The following VMP1 variants were observed in gnomAD, a reference collection of about 807,000 sequenced individuals.
The protein encoded by VMP1 is vacuole membrane protein 1.
In VMP1, 11 loss-of-function variants were observed where a neutral mutation model predicts 56.0. The ratio of observed to expected loss-of-function variants is 0.20; its 90% CI spans 0.12 to 0.32. The LOEUF is 0.32. VMP1 is among the 10% of genes least tolerant of loss of function. The probability of loss-of-function intolerance (pLI) is 1.00; values close to 1 mark genes in which losing one functional copy is unlikely to be tolerated. For synonymous variants in VMP1, 149 were observed against 165.0 expected (o/e 0.90, Z 0.74); for missense variants, 296 against 490.3 (o/e 0.60, Z 3.74).
chr17:59,779,987 C>T (rs761652821), intron 7 of VMP1, among the ~76,000 whole-genome samples: 1 of 152,146 alleles, frequency 6.6e-6, no homozygotes, highest in Non-Finnish European at 1.5e-5. Context: ...CATTTCTTTT[C>T]TCAGTCTTTA....
chr17:59,777,213 C>T (rs752567564), intron 7 of VMP1, among the ~76,000 whole-genome samples: 12 of 152,252 alleles, frequency 7.9e-5, no homozygotes, highest in Non-Finnish European at 1.3e-4. Flanking sequence ...TTTACACCTT[C>T]GTTTTGCTTG....
At chr17:59,782,792 G>A (rs186109149) in intron 7 of VMP1, among the ~76,000 whole-genome samples, 20 of 140,338 alleles carry the variant, frequency 1.4e-4, no homozygotes, top group Admixed American at 7.6e-4. Context: ...AAGCCCTGTA[G>A]TAGAGTAAGT....
At chr17:59,754,147 A>G (rs555600734) in intron 5 of VMP1, among the ~76,000 whole-genome samples, 1 of 152,330 alleles carries the variant, frequency 6.6e-6, no homozygotes, top group African/African-American at 2.4e-5. Flanking sequence ...TAAAAATTGT[A>G]CATTTACCCT....
intron 5 of VMP1, among the ~76,000 whole-genome samples, chr17:59,739,174 G>A (rs55873230): frequency 6.6e-6 from 1 of 152,092 alleles, no homozygotes; most frequent in Admixed American, 6.6e-5. Context: ...AGCAAATAAG[G>A]TTGTTTATTT....
In VMP1 at chr17:59,773,802, G is replaced by A; in HGVS notation, c.631G>A (p.Ala211Thr). ...GCTGCCTCCATATTTCATGGCCAGAGCAGCTCGCCTCTCAGGTGCTGAACC... is the reference window on the plus strand; with the variant it reads ...GCTGCCTCCATATTTCATGGCCAGAACAGCTCGCCTCTCAGGTGCTGAACC... ...GELPPYFMAR[A>T]ARLSGAEPDD... Residue 211 changes from alanine to threonine, a missense_variant, in exon 7 of 12, where the codon GCA becomes ACA. By Grantham distance (58) the Ala-to-Thr change is moderately conservative. This residue lies in a region of VMP1 where 126 missense variants were observed against 231.6 expected (regional missense o/e 0.54). Transcript: ENST00000262291. 1 of 1,613,578 alleles carries A rather than the reference G, an allele frequency of 6.2e-7. No homozygotes were observed. Among genetic ancestry groups the A allele is most frequent in the Non-Finnish European group, 8.5e-7 (1 of 1,179,840 alleles).
intron 9 of VMP1, 48 bp from the exon 10 acceptor site, chr17:59,817,664 G>GT: frequency 1.4e-6 from 2 of 1,431,870 alleles, no homozygotes; most frequent in Non-Finnish European, 1.9e-6. Context: ...ATTTATGTTG[G>GT]TTTTTTGATG....
At chr17:59,811,559 A>G (rs184714173) in intron 8 of VMP1, 111 bp from the exon 9 acceptor site, 3 of 780,086 alleles carry the variant, frequency 3.8e-6, no homozygotes, top group Non-Finnish European at 6.5e-6. Flanking sequence ...GAACCCATAT[A>G]TTGCTTTGCA....
At chr17:59,803,463 C>A (rs1239991524) in intron 7 of VMP1, among the ~76,000 whole-genome samples, 1 of 151,878 alleles carries the variant, frequency 6.6e-6, no homozygotes, top group African/African-American at 2.4e-5. Flanking sequence ...AATTTATTTA[C>A]CTATAATTGG....
At chr17:59,717,262 G>T (rs1367544170) in intron 1 of VMP1, among the ~76,000 whole-genome samples, 1 of 152,088 alleles carries the variant, frequency 6.6e-6, no homozygotes, top group Non-Finnish European at 1.5e-5. Flanking sequence ...GAGCCACCGC[G>T]CTCGGCCGGT....
chr17:59,810,168 T>C (rs2038007006), intron 8 of VMP1, among the ~76,000 whole-genome samples: 1 of 152,140 alleles, frequency 6.6e-6, no homozygotes, highest in South Asian at 2.1e-4. Context: ...GTTTTTCTTT[T>C]TTTGAGACAG....
Position 59,758,429 on chromosome 17 carries a change from C to A in VMP1, c.415-6542C>A, listed in dbSNP as rs117972420. 7.3e-3 allele frequency among the ~76,000 whole-genome samples: 1,114 copies of A among 152,254 alleles called. 36 individuals carry two copies. Among genetic ancestry groups the A allele is most frequent in the Admixed American group, 0.051 (774 of 15,284 alleles). On this transcript the variant is annotated intron_variant, in intron 5 of 11. Coordinates refer to ENST00000262291, the MANE Select transcript of VMP1 (RefSeq NM_030938.5). ...ATGTGCCAGGCATGGTGGCTCACCT[C>A]TAATCCCAGTACTTTGGGAGGCCAA...
intron 10 of VMP1, among the ~76,000 whole-genome samples, chr17:59,834,522 C>G (rs770611261): frequency 6.6e-6 from 1 of 151,648 alleles, no homozygotes; most frequent in African/African-American, 2.4e-5. Flanking sequence ...TGGAGTGGTG[C>G]GATCTAGGCT....
At chr17:59,717,479 C>T (rs188835528) in intron 1 of VMP1, among the ~76,000 whole-genome samples, 26 of 152,028 alleles carry the variant, frequency 1.7e-4, no homozygotes, top group South Asian at 1.2e-3. Context: ...ACCTCCCAGG[C>T]TCAAGCGATT....
At chr17:59,820,156 C>T (rs1224307867) in intron 10 of VMP1, among the ~76,000 whole-genome samples, 1 of 152,100 alleles carries the variant, frequency 6.6e-6, no homozygotes, top group East Asian at 1.9e-4. Flanking sequence ...TAGATAAAGC[C>T]AAAACTCCTT....
At chr17:59,759,129 G>T (rs1204164412) in intron 5 of VMP1, among the ~76,000 whole-genome samples, 1 of 152,044 alleles carries the variant, frequency 6.6e-6, no homozygotes, top group Non-Finnish European at 1.5e-5. Flanking sequence ...GGTATCTTGC[G>T]CCAGCAGTCC....
At chr17:59,788,087 T>C (rs1300221046) in intron 7 of VMP1, among the ~76,000 whole-genome samples, 1 of 152,186 alleles carries the variant, frequency 6.6e-6, no homozygotes, top group Non-Finnish European at 1.5e-5. Flanking sequence ...TGAAACAAGA[T>C]GATTTTCAAA....
intron 9 of VMP1, among the ~76,000 whole-genome samples, chr17:59,816,437 A>G (rs949169956): frequency 1.3e-5 from 2 of 152,246 alleles, no homozygotes; most frequent in Admixed American, 6.5e-5. Context: ...TTGCCTTATT[A>G]GTCTTCTTGC....
At chr17:59,830,459 T>C (rs1278032621) in intron 10 of VMP1, among the ~76,000 whole-genome samples, 1 of 152,180 alleles carries the variant, frequency 6.6e-6, no homozygotes, top group Non-Finnish European at 1.5e-5. Flanking sequence ...CACCCTGAGA[T>C]TCTTTAGACT....
Position 59,773,148 on chromosome 17 carries a change from G to A in VMP1, c.583-606G>A, listed in dbSNP as rs542950565. ...AGCTAATTTTTGTATTTTTAGTAGAGATGGGGTTTCACCCTATTGGCCAGG... is the reference window on the plus strand; with the variant it reads ...AGCTAATTTTTGTATTTTTAGTAGAAATGGGGTTTCACCCTATTGGCCAGG... On this transcript the variant is annotated intron_variant, in intron 6 of 11. Coordinates refer to ENST00000262291, the MANE Select transcript of VMP1 (RefSeq NM_030938.5). Among the ~76,000 whole-genome samples, 24 of 151,794 alleles carry A rather than the reference G, an allele frequency of 1.6e-4. No homozygotes were observed. In the East Asian group the frequency reaches 4.7e-3, roughly 30 times the overall value.
Sources: allele counts gnomAD v4.1 joint callset (sites outside exome capture counted in the v4.1 genomes callset), GRCh38; gene constraint gnomAD v4.1.1; regional missense constraint gnomAD v4.1.1; transcripts MANE v1.5; gene names NCBI Gene and HGNC (gene_info 2026-07-23, HGNC 2026-07-21).